ADCY9: variants seen among roughly 807,000 people sequenced by gnomAD.
The protein encoded by ADCY9 is adenylate cyclase 9.
Under a neutral mutation model 101.5 loss-of-function variants are expected in ADCY9, and 50 were observed. That is an observed-to-expected ratio of 0.49 (90% CI 0.39 to 0.62). The LOEUF is 0.62. Among genes scored for constraint, ADCY9 ranks in the 20% least tolerant of loss-of-function variants. The probability of loss-of-function intolerance (pLI) is 0.00; values close to 1 mark genes in which losing one functional copy is unlikely to be tolerated. For missense variants in ADCY9, 1,662 were observed against 1,800.4 expected (o/e 0.92, Z 1.39); for synonymous variants, 905 against 769.3 (o/e 1.18, Z -2.92).
At chr16:3,975,768 T>C (rs1245879564) in intron 9 of ADCY9, among the ~76,000 whole-genome samples, 1 of 152,236 alleles carries the variant, frequency 6.6e-6, no homozygotes, top group African/African-American at 2.4e-5. Context: ...TAGTGAAACA[T>C]TTTTATAAGC....
chr16:4,097,571 T>A (rs960979934), intron 2 of ADCY9, among the ~76,000 whole-genome samples: 1 of 132,486 alleles, frequency 7.5e-6, no homozygotes, highest in African/African-American at 2.9e-5. Flanking sequence ...TTTTTTTTTT[T>A]AAGACAGAGT....
chr16:4,001,324 G>A (rs141467062), intron 3 of ADCY9, among the ~76,000 whole-genome samples: 227 of 152,248 alleles, frequency 1.5e-3, no homozygotes, highest in African/African-American at 5.0e-3. Flanking sequence ...TTGAAGTCCC[G>A]GCCAGGCATT....
At chr16:3,987,840 G>C (rs1006589011) in intron 6 of ADCY9, among the ~76,000 whole-genome samples, 2 of 152,108 alleles carry the variant, frequency 1.3e-5, no homozygotes, top group East Asian at 1.9e-4. Flanking sequence ...CTTGACTTGG[G>C]AACACTCAGA....
At chr16:4,055,280 C>G (rs912240974) in intron 2 of ADCY9, among the ~76,000 whole-genome samples, 4 of 152,192 alleles carry the variant, frequency 2.6e-5, no homozygotes, top group African/African-American at 9.7e-5. Context: ...CACCTGTAAT[C>G]CCAGTACTTT....
At chr16:4,040,818 C>G (rs77430131) in intron 2 of ADCY9, among the ~76,000 whole-genome samples, 1 of 152,108 alleles carries the variant, frequency 6.6e-6, no homozygotes, top group Non-Finnish European at 1.5e-5. Flanking sequence ...AGTATCTACA[C>G]GAGTCTTTTC....
chr16:4,053,545 G>C (rs975161485), intron 2 of ADCY9, among the ~76,000 whole-genome samples: 2 of 152,216 alleles, frequency 1.3e-5, no homozygotes, highest in African/African-American at 4.8e-5. Flanking sequence ...CACAATGGCT[G>C]ATTGTGTGGC....
At chr16:4,098,291 A>C (rs1418636466) in intron 2 of ADCY9, among the ~76,000 whole-genome samples, 1 of 150,626 alleles carries the variant, frequency 6.6e-6, no homozygotes, top group Non-Finnish European at 1.5e-5. Flanking sequence ...CCCAGGCTGG[A>C]ATGTAGTGGT....
chr16:3,994,529 C>T (rs189261218), intron 3 of ADCY9, among the ~76,000 whole-genome samples: 56 of 152,318 alleles, frequency 3.7e-4, no homozygotes, highest in Admixed American at 1.2e-3. Context: ...GATCTTGGCT[C>T]ACTGCAACGT....
intron 2 of ADCY9, among the ~76,000 whole-genome samples, chr16:4,108,443 G>A (rs887084080): frequency 3.7e-5 from 5 of 133,966 alleles, no homozygotes; most frequent in African/African-American, 8.5e-5. Context: ...GCACGATCTC[G>A]GCTCACTGCA....
intron 2 of ADCY9, among the ~76,000 whole-genome samples, chr16:4,013,402 C>T (rs928022825): frequency 2.0e-5 from 3 of 149,912 alleles, no homozygotes; most frequent in Non-Finnish European, 3.0e-5. Flanking sequence ...GCCTGGGCAA[C>T]AAGAGTGAAA....
downstream of ADCY9, among the ~76,000 whole-genome samples, chr16:3,959,376 AAAAAAAT>A (rs1382195186): frequency 2.0e-5 from 3 of 151,900 alleles, no homozygotes; most frequent in Non-Finnish European, 4.4e-5. Context: ...AAAAAAAAAA[AAAAAAAT>A]GTCCGTACTT....
intron 2 of ADCY9, among the ~76,000 whole-genome samples, chr16:4,011,410 G>A (rs963251532): frequency 1.3e-5 from 2 of 152,186 alleles, no homozygotes; most frequent in Non-Finnish European, 2.9e-5. Context: ...AGCCACATAG[G>A]AGGCATGAGG....
rs150826321 is a variant in ADCY9, at chr16:3,977,594, C to A, written c.2716G>T (p.Val906Phe). The change falls in exon 9 of 11, where the codon GTC becomes TTC. Residue 906 changes from valine (V) to phenylalanine (F), a missense_variant. This residue lies in a region of ADCY9 where 624 missense variants were observed against 639.1 expected (regional missense o/e 0.98). Coordinates refer to ENST00000294016, the MANE Select transcript of ADCY9 (RefSeq NM_001116.4). ...VFTGSAALIA[V>F]VHYCNFCQLS... ...TGGCAGAAGTTACAGTAGTGCACGA[C>A]GGCAATCAGCGCGGCCGAGCCTGTG... is the stretch of plus-strand genomic sequence containing the variant. 3.1e-6 allele frequency: 5 copies of A among 1,612,184 alleles called. No individual in the cohort carries two copies. Among genetic ancestry groups the A allele is most frequent in the Non-Finnish European group, 4.2e-6 (5 of 1,179,622 alleles).
chr16:4,017,725 G>C (rs1215143004), intron 2 of ADCY9, among the ~76,000 whole-genome samples: 1 of 150,942 alleles, frequency 6.6e-6, no homozygotes, highest in Admixed American at 6.6e-5. Flanking sequence ...TAACCTTGAA[G>C]AACTAAAAAT....
At position 3,966,918 on chromosome 16, in the gene ADCY9, C is replaced by A; in HGVS notation, c.2919G>T (p.Arg973=). Residue 973 remains arginine (R), a synonymous_variant, in exon 11 of 11, where the codon CGG becomes CGT. Coordinates refer to ENST00000294016, the MANE Select transcript of ADCY9 (RefSeq NM_001116.4). ...CCTCCTGGCCGATGAGGCTGGCGGG[C>A]CGCCGGAGGTCACGCGGCACCGAAC... ...CNSSVPRDLR[R]PASLIGQEVV... is the part of the protein sequence containing the mutation. The A allele has an allele frequency of 1.2e-6, 2 of 1,613,822 alleles. No individual in the cohort carries two copies. Among genetic ancestry groups the A allele is most frequent in the South Asian group, 2.2e-5 (2 of 91,080 alleles).
chr16:4,039,217 C>T (rs1347188491), intron 2 of ADCY9, among the ~76,000 whole-genome samples: 1 of 152,126 alleles, frequency 6.6e-6, no homozygotes, highest in Non-Finnish European at 1.5e-5. Context: ...TCTCCCATGT[C>T]CTCCATCTTT....
intron 5 of ADCY9, among the ~76,000 whole-genome samples, 156 bp downstream of exon 5, chr16:3,991,990 G>C (rs1314364145): frequency 6.6e-6 from 1 of 152,112 alleles, no homozygotes; most frequent in Non-Finnish European, 1.5e-5. Context: ...AGCATCGTTT[G>C]AACCTGGGAG....
At chr16:4,003,321 T>C (rs2056343871) in intron 3 of ADCY9, among the ~76,000 whole-genome samples, 1 of 152,122 alleles carries the variant, frequency 6.6e-6, no homozygotes, top group Non-Finnish European at 1.5e-5. Flanking sequence ...GCAGGCAAGC[T>C]GGGACCGTCT....
Position 3,963,381 on chromosome 16 carries a change from T to G in ADCY9, c.*2394A>C, listed in dbSNP as rs1426011309. ...GACAAGAGATGCACGGCGTTTCCGC[T>G]GCAGAGATTCTGTGGTTCTGCACTG... On this transcript the variant is annotated 3_prime_UTR_variant, in exon 11 of 11. Transcript: ENST00000294016. 2.5e-6 allele frequency: 1 copy of G among 398,722 alleles called. No individual in the cohort carries two copies. The highest frequency in any genetic ancestry group is 4.4e-6 in the Non-Finnish European group (1 of 225,984). 24.7% of individuals were successfully genotyped at this position (398,722 alleles called of 1,614,324 possible). A position where few individuals can be genotyped will look rare whatever the true frequency, so the allele number is the denominator to read the frequency against.
Sources: allele counts gnomAD v4.1 joint callset (sites outside exome capture counted in the v4.1 genomes callset), GRCh38; gene constraint gnomAD v4.1.1; regional missense constraint gnomAD v4.1.1; transcripts MANE v1.5; gene names NCBI Gene and HGNC (gene_info 2026-07-23, HGNC 2026-07-21).